The following NUBPL variants were observed in gnomAD, a reference collection of about 807,000 sequenced individuals.
NUBPL encodes NUBP iron-sulfur cluster assembly factor, mitochondrial.
In NUBPL, 31 loss-of-function variants were observed where a neutral mutation model predicts 45.7. The observed-to-expected ratio is 0.68, with a 90% CI of 0.51 to 0.92. The LOEUF (loss-of-function observed/expected upper bound fraction) is 0.92, where lower values mean the gene tolerates loss of function less well. Ranked by LOEUF, NUBPL falls within the 40% of genes least tolerant of loss-of-function variation. The probability of loss-of-function intolerance (pLI) is 0.00; values close to 1 mark genes in which losing one functional copy is unlikely to be tolerated. For synonymous variants in NUBPL, 144 were observed against 140.9 expected (o/e 1.02, Z -0.15); for missense variants, 401 against 398.7 (o/e 1.01, Z -0.05).
chr14:31,674,165 A>AT (rs1213737893), intron 6 of NUBPL, among the ~76,000 whole-genome samples: 1 of 152,182 alleles, frequency 6.6e-6, no homozygotes, highest in Admixed American at 6.5e-5. Context: ...AATAAGTTTT[A>AT]TTTTTTTCTC....
At chr14:31,569,424 T>C (rs1239868095) in intron 3 of NUBPL, among the ~76,000 whole-genome samples, 9 of 152,296 alleles carry the variant, frequency 5.9e-5, no homozygotes, top group African/African-American at 1.9e-4. Flanking sequence ...CTGAAACTCC[T>C]GACCTCAAGT....
chr14:31,711,797 G>A (rs1403011052), intron 6 of NUBPL, among the ~76,000 whole-genome samples: 2 of 152,018 alleles, frequency 1.3e-5, no homozygotes, highest in African/African-American at 4.8e-5. Context: ...CCTTCCGGTG[G>A]GTTCATGGTT....
At chr14:31,666,257 ATATATAATT>A (rs2036417419) in intron 4 of NUBPL, among the ~76,000 whole-genome samples, 1 of 46,596 alleles carries the variant, frequency 2.1e-5, no homozygotes. Context: ...ATATATATAT[ATATATAATT>A]TTATTTTATT....
At chr14:31,805,556 A>G (rs190306627) in intron 7 of NUBPL, among the ~76,000 whole-genome samples, 2 of 152,338 alleles carry the variant, frequency 1.3e-5, no homozygotes, top group East Asian at 3.9e-4. Context: ...AAAATATGCT[A>G]TATACACACC....
chr14:31,623,101 A>T (rs2035110340), intron 4 of NUBPL, among the ~76,000 whole-genome samples: 2 of 152,242 alleles, frequency 1.3e-5, no homozygotes, highest in Non-Finnish European at 2.9e-5. Context: ...TGGATGTGAA[A>T]CATGGAGTCA....
chr14:31,744,853 C>T (rs996597446), intron 6 of NUBPL, among the ~76,000 whole-genome samples: 8 of 151,826 alleles, frequency 5.3e-5, no homozygotes, highest in Admixed American at 2.0e-4. Context: ...AACTCCCGAC[C>T]TTGTGTTCCA....
At chr14:31,686,319 A>G (rs1595492849) in intron 6 of NUBPL, among the ~76,000 whole-genome samples, 1 of 152,212 alleles carries the variant, frequency 6.6e-6, no homozygotes, top group African/African-American at 2.4e-5. Context: ...CAGGTAGTCA[A>G]GAGGGATCAG....
intron 4 of NUBPL, among the ~76,000 whole-genome samples, chr14:31,605,466 C>G (rs1378295498): frequency 6.6e-6 from 1 of 152,166 alleles, no homozygotes; most frequent in Non-Finnish European, 1.5e-5. Context: ...GAGGATGACA[C>G]AGTGTTTATT....
chr14:31,827,691 G>GT (rs1376963645), intron 8 of NUBPL, among the ~76,000 whole-genome samples: 3 of 152,102 alleles, frequency 2.0e-5, no homozygotes, highest in East Asian at 3.8e-4. Flanking sequence ...GGAGTCTCAT[G>GT]TTTTTTCTCT....
chr14:31,635,688 C>T (rs1019201177), intron 4 of NUBPL, among the ~76,000 whole-genome samples: 1 of 150,574 alleles, frequency 6.6e-6, no homozygotes, highest in Non-Finnish European at 1.5e-5. Context: ...GGCAGTATGG[C>T]GATTTTCATG....
At chr14:31,692,667 T>C (rs532530171) in intron 6 of NUBPL, among the ~76,000 whole-genome samples, 2 of 152,368 alleles carry the variant, frequency 1.3e-5, no homozygotes, top group African/African-American at 4.8e-5. Flanking sequence ...CATTTTCCCT[T>C]GATAGTTGTT....
chr14:31,709,398 T>A (rs577170578), intron 6 of NUBPL, among the ~76,000 whole-genome samples: 4 of 152,370 alleles, frequency 2.6e-5, no homozygotes, highest in Admixed American at 2.6e-4. Context: ...TGTTTGCAAC[T>A]GCAGTCCCCA....
intron 6 of NUBPL, among the ~76,000 whole-genome samples, chr14:31,762,404 G>A (rs1238266230): frequency 6.6e-6 from 1 of 152,128 alleles, no homozygotes; most frequent in Non-Finnish European, 1.5e-5. Flanking sequence ...TGGGTATTTG[G>A]CTTTACTTCA....
chr14:31,637,011 A>G (rs2035523986), intron 4 of NUBPL, among the ~76,000 whole-genome samples: 1 of 152,054 alleles, frequency 6.6e-6, no homozygotes, highest in South Asian at 2.1e-4. Context: ...CTGGTGGTCT[A>G]TCAATTTTGT....
chr14:31,785,221 A>G (rs1191615645), intron 6 of NUBPL, among the ~76,000 whole-genome samples: 1 of 152,222 alleles, frequency 6.6e-6, no homozygotes, highest in Non-Finnish European at 1.5e-5. Context: ...ATTTTCTAAA[A>G]TATTTATTCT....
chr14:31,831,060 T>TTTATTTA (rs60308003), intron 8 of NUBPL, among the ~76,000 whole-genome samples: 365 of 150,924 alleles, frequency 2.4e-3, no homozygotes, highest in Middle Eastern at 0.014. Context: ...TTATTTATTT[T>TTTATTTA]TTTGAGACAG....
At chr14:31,744,129 G>A (rs2038344966) in intron 6 of NUBPL, among the ~76,000 whole-genome samples, 1 of 152,162 alleles carries the variant, frequency 6.6e-6, no homozygotes, top group South Asian at 2.1e-4. Flanking sequence ...GGAATGAAGT[G>A]AAAATGGGGA....
At position 31,841,917 on chromosome 14, in the gene NUBPL, C is replaced by CTTTTGTTTTTTTTTTTTTTTTTTTTTTTT; in HGVS notation, c.694-4550_694-4549insGTTTTTTTTTTTTTTTTTTTTTTTTTTTT. Among the ~76,000 whole-genome samples the CTTTTGTTTTTTTTTTTTTTTTTTTTTTTT allele has an allele frequency of 2.0e-3, 84 of 43,050 alleles. 14 individuals carry two copies. Among genetic ancestry groups the CTTTTGTTTTTTTTTTTTTTTTTTTTTTTT allele is most frequent in the Middle Eastern group, 0.021 (1 of 48 alleles). The allele number at this position is 43,050 out of a possible 152,430, so 28.2% of individuals were successfully genotyped here. A position where few individuals can be genotyped will look rare whatever the true frequency, so the allele number is the denominator to read the frequency against. On this transcript the variant is annotated intron_variant, in intron 8 of 10. Coordinates refer to ENST00000281081, the MANE Select transcript of NUBPL (RefSeq NM_025152.3). ...CTTTCATGTATGGGTCGATTCTGGGCTTTTTTTTTTTTTTTTTTTTTTTTT... is the reference window on the plus strand; with the variant it reads ...CTTTCATGTATGGGTCGATTCTGGGCTTTTGTTTTTTTTTTTTTTTTTTTTTTTTTTTTTTTTTTTTTTTTTTTTTTTTT...
In NUBPL at chr14:31,599,248, T is replaced by C. The variant is rs765439746; in HGVS notation, c.292-41T>C. The C allele has an allele frequency of 2.2e-6, 3 of 1,387,340 alleles. No homozygotes were observed. The South Asian group carries it at 3.5e-5, about 16-fold the overall frequency. 85.9% of individuals were successfully genotyped at this position (1,387,340 alleles called of 1,614,324 possible). On this transcript the variant is annotated intron_variant, in intron 3 of 10. Coordinates refer to ENST00000281081, the MANE Select transcript of NUBPL (RefSeq NM_025152.3). Reference sequence around the variant, plus strand: ...GAGTGGGAACAATCTTATGGTAAAGTGTTTTTGTTTTGTTTTATATTTTTA... The same window carrying C: ...GAGTGGGAACAATCTTATGGTAAAGCGTTTTTGTTTTGTTTTATATTTTTA...
Sources: gnomAD v4.1 joint callset for allele counts (sites outside exome capture counted in the v4.1 genomes callset) on GRCh38, gnomAD v4.1.1 for gene constraint, MANE v1.5 for transcripts, NCBI Gene and HGNC (gene_info 2026-07-23, HGNC 2026-07-21) for gene names.